SHCBP1: variants seen among roughly 807,000 people sequenced by gnomAD.
The protein encoded by SHCBP1 is SHC binding and spindle associated 1.
Under a neutral mutation model 75.1 loss-of-function variants are expected in SHCBP1, and 60 were observed. That is an observed-to-expected ratio of 0.80 (90% CI 0.65 to 0.99). The LOEUF is 0.99. SHCBP1 is among the 50% of genes least tolerant of loss of function. The probability of loss-of-function intolerance (pLI) is 0.00; values close to 1 mark genes in which losing one functional copy is unlikely to be tolerated. For synonymous variants in SHCBP1, 290 were observed against 293.2 expected (o/e 0.99, Z 0.11); for missense variants, 709 against 809.4 (o/e 0.88, Z 1.50).
chr16:46,582,427 A>C (rs989392853), intron 12 of SHCBP1, among the ~76,000 whole-genome samples: 4 of 152,218 alleles, frequency 2.6e-5, no homozygotes, highest in African/African-American at 9.6e-5. Context: ...AGAATTTTGC[A>C]CTGTAATTTT....
intron 10 of SHCBP1, among the ~76,000 whole-genome samples, chr16:46,586,510 G>A (rs1386240056): frequency 1.3e-5 from 2 of 152,156 alleles, no homozygotes. Flanking sequence ...CAGAGTCCTG[G>A]AAAGAAAGAG....
chr16:46,595,598 G>A lies in SHCBP1; in HGVS notation c.1418C>T (p.Thr473Ile). 6.2e-7 allele frequency: 1 copy of A among 1,614,144 alleles called. No homozygotes were observed. The highest frequency in any genetic ancestry group is 8.5e-7 in the Non-Finnish European group (1 of 1,180,004). Reference sequence around the variant, plus strand: ...GTTCTTCATTAGAAACTCTGCTGATGTCCGCACTGTGACTCCGGTCGTCTC... The same window carrying A: ...GTTCTTCATTAGAAACTCTGCTGATATCCGCACTGTGACTCCGGTCGTCTC... Reference protein sequence around the residue: ...QCETTGVTVRTSAEFLMKNSD... With the variant: ...QCETTGVTVRISAEFLMKNSD... Residue 473 changes from threonine (T) to isoleucine (I), a missense_variant, in exon 10 of 13, where the codon ACA (threonine) becomes ATA (isoleucine). By Grantham distance (89) the Thr-to-Ile change is moderately conservative (BLOSUM62 -1). Transcript: ENST00000303383.
intron 10 of SHCBP1, among the ~76,000 whole-genome samples, chr16:46,585,223 A>G (rs989598849): frequency 6.6e-6 from 1 of 152,226 alleles, no homozygotes; most frequent in Admixed American, 6.5e-5. Context: ...CATATTCAAA[A>G]TATGTTATGA....
At chr16:46,588,458 A>T (rs562652627) in intron 10 of SHCBP1, among the ~76,000 whole-genome samples, 9 of 152,348 alleles carry the variant, frequency 5.9e-5, no homozygotes, top group African/African-American at 1.9e-4. Flanking sequence ...GAGAAGAATC[A>T]AATAGATGCA....
At chr16:46,618,066 CT>C (rs1305815232) in intron 2 of SHCBP1, 138 bp downstream of exon 2, 1 of 836,442 alleles carries the variant, frequency 1.2e-6, no homozygotes, top group African/African-American at 1.7e-5. Context: ...ATCCCAGCTA[CT>C]AGGGAGGCTG....
chr16:46,609,615 C>T (rs1158121850), intron 4 of SHCBP1, among the ~76,000 whole-genome samples: 1 of 151,714 alleles, frequency 6.6e-6, no homozygotes, highest in Non-Finnish European at 1.5e-5. Context: ...CCACGCCTGG[C>T]TTATTTTTGT....
chr16:46,620,984 T>C lies in SHCBP1; in HGVS notation c.103+273A>G, dbSNP rs1596694569. 14 of 397,326 alleles carry C rather than the reference T, an allele frequency of 3.5e-5. No individual in the cohort carries two copies. The East Asian group carries it at 5.3e-4, about 15-fold the overall frequency. 24.6% of individuals were successfully genotyped at this position (397,326 alleles called of 1,614,324 possible). On this transcript the variant is annotated intron_variant, in intron 1 of 12. Transcript: ENST00000303383. ...AAAACCCATCCAGATAGGGAATTCC[T>C]GGCCCAATCCAGCTCCCTCCAACCT... is the stretch of plus-strand genomic sequence containing the variant.
intron 4 of SHCBP1, among the ~76,000 whole-genome samples, chr16:46,608,699 G>T (rs1965361912): frequency 6.6e-6 from 1 of 151,294 alleles, no homozygotes; most frequent in Non-Finnish European, 1.5e-5. Flanking sequence ...CGCCTCCTGG[G>T]TTCAAGTGAT....
chr16:46,598,150 T>G (rs904298647), intron 9 of SHCBP1, among the ~76,000 whole-genome samples: 3 of 152,192 alleles, frequency 2.0e-5, no homozygotes, highest in Non-Finnish European at 4.4e-5. Flanking sequence ...CCCCTGTTAA[T>G]GTTGAGATTT....
At chr16:46,585,856 A>T (rs1964947849) in intron 10 of SHCBP1, among the ~76,000 whole-genome samples, 1 of 151,946 alleles carries the variant, frequency 6.6e-6, no homozygotes, top group African/African-American at 2.4e-5. Flanking sequence ...AGGAAGCTAG[A>T]CCTCCCACCC....
At chr16:46,609,755 T>C (rs1265558259) in intron 4 of SHCBP1, among the ~76,000 whole-genome samples, 2 of 152,044 alleles carry the variant, frequency 1.3e-5, no homozygotes, top group Non-Finnish European at 2.9e-5. Context: ...CCCAGTTGTA[T>C]CCATATTTTT....
intron 10 of SHCBP1, among the ~76,000 whole-genome samples, chr16:46,594,156 G>GA (rs1045575097): frequency 6.6e-6 from 1 of 151,608 alleles, no homozygotes; most frequent in Non-Finnish European, 1.5e-5. Context: ...AAAAATTTTA[G>GA]AAAAAAAATA....
Position 46,579,171 on chromosome 16 carries a change from A to G in SHCBP1, c.*2558T>C, listed in dbSNP as rs577129193. On this transcript the variant is annotated 3_prime_UTR_variant, in exon 13 of 13. Transcript: ENST00000303383. ...GCCATAAATTCAAGGTCACACTAAG[A>G]GTGGACCATAAGGACAGGACACACA... Among the ~76,000 whole-genome samples, 1 of 152,348 alleles carries G rather than the reference A, an allele frequency of 6.6e-6. No homozygotes were observed. Among genetic ancestry groups the G allele is most frequent in the African/African-American group, 2.4e-5 (1 of 41,586 alleles).
At chr16:46,611,678 A>G (rs1248575190) in intron 4 of SHCBP1, among the ~76,000 whole-genome samples, 1 of 152,208 alleles carries the variant, frequency 6.6e-6, no homozygotes, top group Non-Finnish European at 1.5e-5. Flanking sequence ...TTTTGTTTAT[A>G]TCAGTCAGCC....
At chr16:46,615,918 G>A in intron 4 of SHCBP1, 28 bp downstream of exon 4, 4 of 1,609,994 alleles carry the variant, frequency 2.5e-6, no homozygotes, top group Non-Finnish European at 3.4e-6. Flanking sequence ...CTGGCCACAA[G>A]GTTATTTTTC....
Position 46,592,951 on chromosome 16 carries a change from C to CAAAAAAAAAAAAAAAAAAAAAAAAAAAAA in SHCBP1, c.1464+2600_1464+2601insTTTTTTTTTTTTTTTTTTTTTTTTTTTTT. Among the ~76,000 whole-genome samples the CAAAAAAAAAAAAAAAAAAAAAAAAAAAAA allele has an allele frequency of 7.5e-4, 17 of 22,794 alleles. 4 individuals are homozygous for CAAAAAAAAAAAAAAAAAAAAAAAAAAAAA. The highest frequency in any genetic ancestry group is 2.1e-3 in the Admixed American group (2 of 958). 15.0% of individuals were successfully genotyped at this position (22,794 alleles called of 152,430 possible). A position where few individuals can be genotyped will look rare whatever the true frequency, so the allele number is the denominator to read the frequency against. ...AACATCCACTTATGATAAAAATTCTCAAAAAAAAAAAAAAAAAAAAAAAAA... is the reference window on the plus strand; with the variant it reads ...AACATCCACTTATGATAAAAATTCTCAAAAAAAAAAAAAAAAAAAAAAAAAAAAAAAAAAAAAAAAAAAAAAAAAAAAAA... On this transcript the variant is annotated intron_variant, in intron 10 of 12. Transcript: ENST00000303383.
rs751032870 is a variant in SHCBP1 at position 46,581,737 on chromosome 16, GA to G, written c.2010del (p.Leu671PhefsTer10). ...KWNGKGSFGT[F>X]LF The stretch of plus-strand genomic sequence containing the variant: ...TACTTACATCACTGTAGTCAGAAAA[GA>G]AATGTGCCAAAACTACCTTTCCCAT... On this transcript the variant is annotated frameshift_variant, in exon 13 of 13. Transcript: ENST00000303383. LOFTEE classifies it high-confidence loss of function. The G allele has an allele frequency of 6.2e-6, 10 of 1,612,548 alleles. No individual in the cohort carries two copies. The highest frequency in any genetic ancestry group is 8.5e-6 in the Non-Finnish European group (10 of 1,178,994).
intron 8 of SHCBP1, 87 bp downstream of exon 8, chr16:46,603,452 T>G: frequency 6.4e-7 from 1 of 1,566,394 alleles, no homozygotes; most frequent in East Asian, 2.2e-5. Flanking sequence ...TCAAATCACA[T>G]TCTTGGAGTT....
chr16:46,616,943 G>A lies in SHCBP1; in HGVS notation c.387+691C>T, dbSNP rs984541364. Reference sequence around the variant, plus strand: ...CTTGTACATAATCACTGTAGTATGTGATGCCATTTTCTAAGGGAGCTGCAG... The same window carrying A: ...CTTGTACATAATCACTGTAGTATGTAATGCCATTTTCTAAGGGAGCTGCAG... On this transcript the variant is annotated intron_variant, in intron 3 of 12. Transcript: ENST00000303383. The surrounding 1 kb of genome is among the most constrained non-coding windows in gnomAD (Gnocchi z 4.4). 5.9e-5 allele frequency among the ~76,000 whole-genome samples: 9 copies of A among 152,140 alleles called. No homozygotes were observed. Among genetic ancestry groups the A allele is most frequent in the African/African-American group, 2.2e-4 (9 of 41,412 alleles).
Sources: gnomAD v4.1 joint callset for allele counts (sites outside exome capture counted in the v4.1 genomes callset) on GRCh38, gnomAD v4.1.1 for gene constraint, Gnocchi (gnomAD v3.1) non-coding constraint, MANE v1.5 for transcripts, NCBI Gene and HGNC (gene_info 2026-07-23, HGNC 2026-07-21) for gene names.